The following YY1AP1 variants were observed in gnomAD, a reference collection of about 807,000 sequenced individuals.
YY1AP1 encodes the protein YY1-associated protein 1.
Under a neutral mutation model 39.9 loss-of-function variants are expected in YY1AP1, and 43 were observed. That is an observed-to-expected ratio of 1.08 (90% CI 0.84 to 1.39). The LOEUF (loss-of-function observed/expected upper bound fraction) is 1.39. Ranked by LOEUF, YY1AP1 falls within the 40% of genes most tolerant of loss-of-function variation. The pLI, the probability that YY1AP1 is intolerant of heterozygous loss-of-function variation, is 0.00. For missense variants in YY1AP1, 813 were observed against 900.7 expected, an observed-to-expected ratio of 0.90 and a Z score of 1.25; for synonymous variants, 292 against 331.3, an observed-to-expected ratio of 0.88 and a Z score of 1.29.
intron 5 of YY1AP1, among the ~76,000 whole-genome samples, chr1:155,675,821 G>A (rs1030412023): frequency 6.6e-6 from 1 of 152,218 alleles, no homozygotes; most frequent in Non-Finnish European, 1.5e-5. Flanking sequence ...TCTGCAAAGA[G>A]TGTGAGAACA....
Position 155,659,592 on chromosome 1 carries a change from C to T in YY1AP1, c.*65G>A, listed in dbSNP as rs1647702367. The T allele has an allele frequency of 1.3e-6, 2 of 1,575,296 alleles. No individual in the cohort carries two copies. The highest frequency in any genetic ancestry group is 1.7e-6 in the Non-Finnish European group (2 of 1,152,340). ...TTTAGGGGTTTCCTATTGGTTACAC[C>T]CTATGCGCCACCAATCGGAGGCCGA... On this transcript the variant is annotated 3_prime_UTR_variant, in exon 11 of 11. Coordinates refer to ENST00000355499, the MANE Select transcript of YY1AP1 (RefSeq NM_139119.3).
intron 2 of YY1AP1, among the ~76,000 whole-genome samples, chr1:155,684,743 A>G (rs762379273): frequency 6.6e-6 from 1 of 151,994 alleles, no homozygotes; most frequent in Non-Finnish European, 1.5e-5. Flanking sequence ...ACTCCAACAC[A>G]TGCAGCTAAT....
At chr1:155,688,953 G>T (rs766504302), upstream of YY1AP1, 1 of 1,611,270 alleles carries the variant, frequency 6.2e-7, no homozygotes, top group East Asian at 2.2e-5. Context: ...TCGCCGCGGC[G>T]CTGCGGCTCG....
chr1:155,688,164 C>T lies in YY1AP1; in HGVS notation c.-114G>A, dbSNP rs1558322489. On this transcript the variant is annotated 5_prime_UTR_variant, in exon 2 of 11. Transcript: ENST00000355499. ...CGCTTCCCTGGGTCCACCGCGGATC[C>T]CTCCCGCTTGTCAGGAGGCGGCCAG... 3 of 1,613,994 alleles carry T rather than the reference C, an allele frequency of 1.9e-6. No individual in the cohort carries two copies. Among genetic ancestry groups the T allele is most frequent in the African/African-American group, 1.3e-5 (1 of 75,056 alleles).
intron 10 of YY1AP1, 155 bp downstream of exon 10, chr1:155,661,152 G>A (rs1041935343): frequency 4.5e-6 from 7 of 1,571,258 alleles, no homozygotes; most frequent in Middle Eastern, 1.7e-4. Flanking sequence ...ACCCGGAGAA[G>A]GGCAGAAAAG....
At chr1:155,687,880 C>T (rs1324263716) in intron 2 of YY1AP1, 191 bp downstream of exon 2, 12 of 598,084 alleles carry the variant, frequency 2.0e-5, no homozygotes, top group Admixed American at 6.7e-5. Context: ...GTCAGGGACA[C>T]CCCTTCACCC....
At chr1:155,663,991 A>G (rs1240543479) in intron 9 of YY1AP1, among the ~76,000 whole-genome samples, 1 of 149,646 alleles carries the variant, frequency 6.7e-6, no homozygotes. Context: ...CCTGGCCAAC[A>G]TAACGAGACC....
rs764403260 is a variant in YY1AP1, at chr1:155,660,186, T to C, written c.1724A>G (p.Gln575Arg). Residue 575 changes from glutamine (Q) to arginine (R), a missense_variant, in exon 11 of 11, where the codon CAG becomes CGG. By Grantham distance (43) the Gln-to-Arg change is conservative (BLOSUM62 1). Coordinates refer to ENST00000355499, the MANE Select transcript of YY1AP1 (RefSeq NM_139119.3). ...VSLGGGCNMI[Q>R]PVNAAVAQSP... ...CTGGGCCACAGCCGCATTGACAGGC[T>C]GGATCATGTTACAGCCACCGCCAAG... 1.5e-5 allele frequency: 24 copies of C among 1,614,024 alleles called. 1 individual carries two copies. In the South Asian group the frequency reaches 2.6e-4, roughly 18 times the overall value.
intron 9 of YY1AP1, among the ~76,000 whole-genome samples, chr1:155,666,356 C>T (rs1257876311): frequency 6.6e-6 from 1 of 152,126 alleles, no homozygotes; most frequent in Non-Finnish European, 1.5e-5. Context: ...TTCCTGACCT[C>T]GTTATCCACC....
At chr1:155,664,045 G>A (rs1648575170) in intron 9 of YY1AP1, among the ~76,000 whole-genome samples, 1 of 150,658 alleles carries the variant, frequency 6.6e-6, no homozygotes, top group Non-Finnish European at 1.5e-5. Context: ...GGGCATAGTG[G>A]TGCACACCGG....
chr1:155,679,048 A>G, intron 4 of YY1AP1: 1 of 1,067,734 alleles, frequency 9.4e-7, no homozygotes, highest in Non-Finnish European at 1.2e-6. Context: ...CATTTAGCAG[A>G]TATTAATGGC....
chr1:155,660,970 A>T (rs745324858), intron 10 of YY1AP1, 57 bp from the exon 11 acceptor site: 3 of 1,612,044 alleles, frequency 1.9e-6, no homozygotes, highest in South Asian at 2.2e-5. Flanking sequence ...GAAAAAGAAT[A>T]GGACTTTCTA....
chr1:155,687,268 A>G (rs892939975), intron 2 of YY1AP1, among the ~76,000 whole-genome samples: 2 of 150,784 alleles, frequency 1.3e-5, no homozygotes, highest in African/African-American at 4.9e-5. Flanking sequence ...ACTATTCTTA[A>G]GACCACAACT....
Position 155,661,343 on chromosome 1 carries a change from T to C in YY1AP1, c.960A>G (p.Ile320Met), listed in dbSNP as rs752539079. Residue 320 changes from isoleucine to methionine, a missense_variant, in exon 10 of 11, where the codon ATA (isoleucine) becomes ATG (methionine). This residue lies in a region of YY1AP1 where 586 missense variants were observed against 647.4 expected (regional missense o/e 0.91). Transcript: ENST00000355499. ...EIQPHQWKPP[I>M]EREEHRLPFW... Reference sequence around the variant, plus strand: ...ATGGGAGCCGGTGTTCTTCTCTCTCTATAGGTGGCTTCCACTGATGTGGCT... The same window carrying C: ...ATGGGAGCCGGTGTTCTTCTCTCTCCATAGGTGGCTTCCACTGATGTGGCT... 1.2e-6 allele frequency: 2 copies of C among 1,613,894 alleles called. No homozygotes were observed. The highest frequency in any genetic ancestry group is 2.2e-5 in the South Asian group (2 of 91,074).
Position 155,660,552 on chromosome 1 carries a change from G to T in YY1AP1, c.1358C>A (p.Pro453Gln). The T allele has an allele frequency of 1.2e-6, 2 of 1,614,170 alleles. No individual in the cohort carries two copies. The highest frequency in any genetic ancestry group is 1.7e-6 in the Non-Finnish European group (2 of 1,180,034). Residue 453 changes from proline to glutamine, a missense_variant, in exon 11 of 11, where the codon CCA becomes CAA. Physicochemically the swap from Pro to Gln is moderately conservative, Grantham distance 76. Coordinates refer to ENST00000355499, the MANE Select transcript of YY1AP1 (RefSeq NM_139119.3). ...PSKMVLRIPH[P>Q]IQPATVLQTV... ...CTGTAAAACAGTGGCTGGCTGTATT[G>T]GGTGAGGAATCCGGAGCACCATTTT...
chr1:155,675,173 C>T, intron 5 of YY1AP1, 77 bp from the exon 6 acceptor site: 2 of 1,384,262 alleles, frequency 1.4e-6, no homozygotes, highest in Non-Finnish European at 2.0e-6. Flanking sequence ...TTTTTTTTTC[C>T]CCCTGGAGAC....
chr1:155,680,921 CCT>C (rs1178541893), intron 2 of YY1AP1, among the ~76,000 whole-genome samples: 1 of 151,040 alleles, frequency 6.6e-6, no homozygotes, highest in African/African-American at 2.4e-5. Flanking sequence ...TGTTTCAATC[CCT>C]GTTTTAGATG....
At chr1:155,682,375 A>G (rs1292724907) in intron 2 of YY1AP1, among the ~76,000 whole-genome samples, 3 of 152,202 alleles carry the variant, frequency 2.0e-5, no homozygotes, top group Non-Finnish European at 4.4e-5. Flanking sequence ...TCTCTGACAC[A>G]CAAAGCTATT....
intron 2 of YY1AP1, among the ~76,000 whole-genome samples, chr1:155,683,422 G>T (rs1217018522): frequency 1.3e-5 from 2 of 152,052 alleles, no homozygotes; most frequent in Non-Finnish European, 2.9e-5. Context: ...GCTGAGGCAG[G>T]TGGATCACTT....
Sources: allele counts gnomAD v4.1 joint callset (sites outside exome capture counted in the v4.1 genomes callset), GRCh38; gene constraint gnomAD v4.1.1; regional missense constraint gnomAD v4.1.1; transcripts MANE v1.5; gene names NCBI Gene and HGNC (gene_info 2026-07-23, HGNC 2026-07-21).